Variants in FBXO34 observed in about 807,000 individuals in gnomAD.
The protein encoded by FBXO34 is F-box protein 34, also known as F-box only protein 34.
A neutral mutation model predicts 24.5 loss-of-function variants in FBXO34; 12 were observed. The ratio of observed to expected loss-of-function variants is 0.49; its 90% CI spans 0.31 to 0.79. The LOEUF is 0.79. Ranked by LOEUF, FBXO34 falls within the 30% of genes least tolerant of loss-of-function variation. The pLI, the probability that FBXO34 is intolerant of heterozygous loss-of-function variation, is 0.04. For missense variants in FBXO34, 823 were observed against 857.7 expected (o/e 0.96, Z 0.51); for synonymous variants, 320 against 311.9 (o/e 1.03, Z -0.27).
At chr14:55,320,944 C>G (rs1480810032) in intron 1 of FBXO34, among the ~76,000 whole-genome samples, 1 of 152,092 alleles carries the variant, frequency 6.6e-6, no homozygotes, top group Non-Finnish European at 1.5e-5. Flanking sequence ...ACCTCTGGTT[C>G]ACTAAAATAT....
downstream of FBXO34, among the ~76,000 whole-genome samples, chr14:55,372,790 T>TA (rs1884848102): frequency 6.6e-6 from 1 of 152,108 alleles, no homozygotes; most frequent in African/African-American, 2.4e-5. Context: ...CCTGGGGTCT[T>TA]AGTTTTCCCA....
the FBXO34 span, among the ~76,000 whole-genome samples, chr14:55,442,755 A>G: frequency 6.6e-6 from 1 of 152,194 alleles, no homozygotes; most frequent in Admixed American, 6.5e-5. Context: ...AGTAGCTCAA[A>G]TATTAGCTCT....
At chr14:55,332,762 G>A (rs148888798) in intron 1 of FBXO34, among the ~76,000 whole-genome samples, 2 of 152,212 alleles carry the variant, frequency 1.3e-5, no homozygotes, top group African/African-American at 4.8e-5. Flanking sequence ...TACTTCTGTA[G>A]CTACGGTGAT....
chr14:55,377,353 A>C, the FBXO34 span, among the ~76,000 whole-genome samples: 1 of 152,210 alleles, frequency 6.6e-6, no homozygotes, highest in Non-Finnish European at 1.5e-5. Flanking sequence ...ATCTCAAAAA[A>C]AAAAGGAAAT....
intron 1 of FBXO34, among the ~76,000 whole-genome samples, 162 bp downstream of exon 1, chr14:55,271,699 A>G (rs1343922006): frequency 1.3e-5 from 2 of 150,238 alleles, no homozygotes; most frequent in East Asian, 3.9e-4. Flanking sequence ...GGTCCGGGGT[A>G]GGGACCCGGC....
the FBXO34 span, among the ~76,000 whole-genome samples, chr14:55,408,906 CAT>C: frequency 5.3e-5 from 8 of 152,372 alleles, no homozygotes; most frequent in South Asian, 2.1e-4. Context: ...AGCCAAATCA[CAT>C]GAGGCTTCGT....
chr14:55,430,237 C>G, the FBXO34 span, among the ~76,000 whole-genome samples: 2 of 151,984 alleles, frequency 1.3e-5, no homozygotes, highest in African/African-American at 4.8e-5. Context: ...GGCTGTAAAT[C>G]AGAAACACCT....
the FBXO34 span, among the ~76,000 whole-genome samples, chr14:55,384,270 T>C: frequency 7.2e-5 from 11 of 152,376 alleles, no homozygotes; most frequent in South Asian, 2.3e-3. Context: ...TATTTTCTTT[T>C]TGAAAAAAGT....
At position 55,347,764 on chromosome 14, in the gene FBXO34, C is replaced by T. The variant is rs1289747219; in HGVS notation, c.-10-2617C>T. Among the ~76,000 whole-genome samples the T allele has an allele frequency of 2.0e-5, 3 of 152,240 alleles. No individual in the cohort carries two copies. In the East Asian group the frequency reaches 5.8e-4, roughly 29 times the overall value. ...ATTAGTTTCTTTTTAATGTCCCTCT[C>T]TATCAATAATAGCACCTAAAATAAT... On this transcript the variant is annotated intron_variant, in intron 1 of 1. Transcript: ENST00000313833.
the FBXO34 span, among the ~76,000 whole-genome samples, chr14:55,429,631 T>G: frequency 5.8e-4 from 88 of 151,870 alleles, no homozygotes; most frequent in Middle Eastern, 3.4e-3. Context: ...CTGGACATGG[T>G]GGCGGGCACC....
At chr14:55,364,884 A>G (rs1884646062), downstream of FBXO34, among the ~76,000 whole-genome samples, 1 of 151,654 alleles carries the variant, frequency 6.6e-6, no homozygotes, top group African/African-American at 2.4e-5. Context: ...CCACAGATGC[A>G]CACGACCATG....
intron 1 of FBXO34, among the ~76,000 whole-genome samples, chr14:55,273,947 C>A (rs1247224363): frequency 6.6e-6 from 1 of 152,046 alleles, no homozygotes; most frequent in Non-Finnish European, 1.5e-5. Context: ...CTGGGACTAC[C>A]GGTGCGTGCC....
intron 1 of FBXO34, among the ~76,000 whole-genome samples, chr14:55,324,001 T>C (rs547063762): frequency 9.8e-5 from 15 of 152,290 alleles, no homozygotes; most frequent in Non-Finnish European, 1.5e-4. Flanking sequence ...TGTGCACTTA[T>C]CACCACTGTT....
intron 1 of FBXO34, chr14:55,325,737 A>G (rs1424418769): frequency 6.6e-6 from 1 of 152,294 alleles, no homozygotes; most frequent in Non-Finnish European, 1.5e-5. Flanking sequence ...GGCCTCCCAG[A>G]GTGCTGGGAT....
chr14:55,411,786 C>T, the FBXO34 span: 1 of 1,602,572 alleles, frequency 6.2e-7, no homozygotes, highest in Non-Finnish European at 8.5e-7. Flanking sequence ...CCAGGAGCCT[C>T]CAGCGCCCGG....
At chr14:55,348,406 AT>A (rs1764008008) in intron 1 of FBXO34, among the ~76,000 whole-genome samples, 1 of 151,846 alleles carries the variant, frequency 6.6e-6, no homozygotes, top group South Asian at 2.1e-4. Flanking sequence ...TTAAAAAAAA[AT>A]TTTTTTTAGA....
At chr14:55,412,348 A>G in the FBXO34 span, among the ~76,000 whole-genome samples, 10 of 152,224 alleles carry the variant, frequency 6.6e-5, no homozygotes, top group African/African-American at 2.4e-4. Flanking sequence ...GGATAGAATT[A>G]TAGTACCCAT....
downstream of FBXO34, among the ~76,000 whole-genome samples, chr14:55,365,242 A>C (rs1166406661): frequency 1.3e-4 from 19 of 141,934 alleles, no homozygotes; most frequent in African/African-American, 4.3e-4. Flanking sequence ...AAAAAAAAAA[A>C]AAACAAAAAT....
chr14:55,436,745 CGTCCT>C, the FBXO34 span: 1 of 1,614,194 alleles, frequency 6.2e-7, no homozygotes, highest in Non-Finnish European at 8.5e-7. Context: ...CCCAGCCCAA[CGTCCT>C]GTTCGCTGGG....
Sources: allele counts gnomAD v4.1 joint callset (sites outside exome capture counted in the v4.1 genomes callset), GRCh38; gene constraint gnomAD v4.1.1; transcripts MANE v1.5; gene names NCBI Gene and HGNC (gene_info 2026-07-23, HGNC 2026-07-21).